ZP2: variants seen among roughly 807,000 people sequenced by gnomAD.
ZP2 encodes the protein zona pellucida glycoprotein 2.
A neutral mutation model predicts 84.0 loss-of-function variants in ZP2; 51 were observed. That is an observed-to-expected ratio of 0.61 (90% CI 0.49 to 0.77). The LOEUF is 0.77. ZP2 is among the 30% of genes least tolerant of loss of function. The probability of loss-of-function intolerance (pLI) is 0.00; values close to 1 mark genes in which losing one functional copy is unlikely to be tolerated. For missense variants in ZP2, 909 were observed against 911.9 expected (o/e 1.00, Z 0.04); for synonymous variants, 375 against 330.9 (o/e 1.13, Z -1.45).
In ZP2 at chr16:21,197,466, A is replaced by T; in HGVS notation, c.*14T>A. ...GCAAGAGGCTTATTTTGACTGCTTT[A>T]TTTAGAAGCCCATTTAGTGATTTGA... On this transcript the variant is annotated 3_prime_UTR_variant, in exon 19 of 19. Coordinates refer to ENST00000574091, the MANE Select transcript of ZP2 (RefSeq NM_001376232.1). The T allele has an allele frequency of 6.2e-7, 1 of 1,613,946 alleles. No individual in the cohort carries two copies. Among genetic ancestry groups the T allele is most frequent in the Non-Finnish European group, 8.5e-7 (1 of 1,179,894 alleles).
At chr16:21,203,772 C>G in intron 9 of ZP2, 1 of 536,282 alleles carries the variant, frequency 1.9e-6, no homozygotes, top group South Asian at 2.1e-5. Flanking sequence ...CAGTTGGGGC[C>G]TTAGACAGTT....
At chr16:21,210,260 G>A (rs1231330646) in intron 2 of ZP2, 68 bp from the exon 3 acceptor site, 1 of 1,252,266 alleles carries the variant, frequency 8.0e-7, no homozygotes, top group Admixed American at 1.7e-5. Flanking sequence ...AAAGTGTATA[G>A]ACTCCTCTCA....
At chr16:21,203,348 A>G in intron 9 of ZP2, 97 bp from the exon 10 acceptor site, 1 of 1,526,940 alleles carries the variant, frequency 6.5e-7, no homozygotes, top group South Asian at 1.2e-5. Flanking sequence ...CTTGCAGGAC[A>G]CACTCCAGAC....
chr16:21,205,570 C>A lies in ZP2; in HGVS notation c.543G>T (p.Gln181His). 6.2e-7 allele frequency: 1 copy of A among 1,614,112 alleles called. No homozygotes were observed. Among genetic ancestry groups the A allele is most frequent in the Non-Finnish European group, 8.5e-7 (1 of 1,180,000 alleles). Residue 181 changes from glutamine to histidine, a missense_variant, in exon 7 of 19, where the codon CAG becomes CAT. Coordinates refer to ENST00000574091, the MANE Select transcript of ZP2 (RefSeq NM_001376232.1). The part of the protein sequence containing the change: ...LADDSKGTKV[Q>H]MGWSIEVGDG... ...CACCAACCTCAATGCTCCATCCCAT[C>A]TGAACTTTGGTCCCCTGAAGTCAAA...
At chr16:21,199,919 T>TGA in intron 14 of ZP2, 41 bp from the exon 15 acceptor site, 1 of 1,607,982 alleles carries the variant, frequency 6.2e-7, no homozygotes, top group African/African-American at 1.3e-5. Context: ...GTCATATGCA[T>TGA]CTTGGAGTCA....
In ZP2 at chr16:21,201,474, A is replaced by G. The variant is rs1567212658; in HGVS notation, c.1589T>C (p.Val530Ala). The G allele has an allele frequency of 5.6e-6, 9 of 1,613,674 alleles. No homozygotes were observed. Among genetic ancestry groups the G allele is most frequent in the Non-Finnish European group, 6.8e-6 (8 of 1,179,900 alleles). Residue 530 changes from valine (V) to alanine (A), a missense_variant, in exon 14 of 19, where the codon GTC becomes GCC. Physicochemically the swap from Val to Ala is moderately conservative, Grantham distance 64 (BLOSUM62 0). Coordinates refer to ENST00000574091, the MANE Select transcript of ZP2 (RefSeq NM_001376232.1). ...LRQPIYMEVR[V>A]LNRDDPNIKL... ...GATGTTGGGGTCATCCCTGTTTAGG[A>G]CTCTCACTTCCATGTAAATTGGTTG...
intron 9 of ZP2, 121 bp from the exon 10 acceptor site, chr16:21,203,372 C>T (rs1468710675): frequency 7.6e-7 from 1 of 1,323,962 alleles, no homozygotes; most frequent in Admixed American, 2.0e-5. Flanking sequence ...TCTGGGCTCC[C>T]TTTAAACCAA....
chr16:21,199,719 C>T (rs2152854579), intron 15 of ZP2, 24 bp downstream of exon 15: 1 of 1,613,244 alleles, frequency 6.2e-7, no homozygotes, highest in Non-Finnish European at 8.5e-7. Context: ...TTAACCTGTC[C>T]CTGGTGACTT....
rs111294327 is a variant in ZP2 at position 21,208,746 on chromosome 16, A to C, written c.330+885T>G. ...TTTGCTAGCACCAAAATAGCCTTCC[A>C]TCTCATGTTGGGGTTCACAGATCAA... On this transcript the variant is annotated intron_variant, in intron 4 of 18. Coordinates refer to ENST00000574091, the MANE Select transcript of ZP2 (RefSeq NM_001376232.1). 3.3e-3 allele frequency among the ~76,000 whole-genome samples: 507 copies of C among 152,302 alleles called. 1 individual carries two copies. Among genetic ancestry groups the C allele is most frequent in the African/African-American group, 0.011 (467 of 41,552 alleles).
At position 21,201,537 on chromosome 16, in the gene ZP2, T is replaced by TA; in HGVS notation, c.1525dup (p.Tyr509LeufsTer27). 6.2e-7 allele frequency: 1 copy of TA among 1,609,736 alleles called. No individual in the cohort carries two copies. The highest frequency in any genetic ancestry group is 8.5e-7 in the Non-Finnish European group (1 of 1,177,792). On this transcript the variant is annotated frameshift_variant, in exon 14 of 19. Transcript: ENST00000574091. LOFTEE classifies it high-confidence loss of function. ...CACTAGAGGGTACTCGTTTTCCCCA[T>TA]AAGGTTGTTGGTAGGAATTATCTGA...
At chr16:21,205,896 G>A in intron 5 of ZP2, 121 bp from the exon 6 acceptor site, 1 of 914,788 alleles carries the variant, frequency 1.1e-6, no homozygotes. Context: ...AGTGGAAGAA[G>A]CACATGAACC....
intron 9 of ZP2, 102 bp from the exon 10 acceptor site, chr16:21,203,353 C>A: frequency 6.7e-7 from 1 of 1,494,106 alleles, no homozygotes; most frequent in South Asian, 1.2e-5. Context: ...AGGACACACT[C>A]CAGACTTATC....
chr16:21,199,510 C>A lies in ZP2; in HGVS notation c.1927+60G>T, dbSNP rs1597582581. 3 of 1,408,528 alleles carry A rather than the reference C, an allele frequency of 2.1e-6. No homozygotes were observed. The East Asian group carries it at 7.0e-5, about 33-fold the overall frequency. 87.3% of individuals were successfully genotyped at this position (1,408,528 alleles called of 1,614,324 possible). A position where few individuals can be genotyped will look rare whatever the true frequency, so the allele number is the denominator to read the frequency against. ...ATACCAGTCCTTAAGATCTTCTATT[C>A]TAAAAAGTTGATACTTGCTTTGAAT... On this transcript the variant is annotated intron_variant, in intron 16 of 18. Coordinates refer to ENST00000574091, the MANE Select transcript of ZP2 (RefSeq NM_001376232.1).
Position 21,204,128 on chromosome 16 carries a change from G to A in ZP2, c.874C>T (p.Gln292Ter), listed in dbSNP as rs1027033238. 1.9e-6 allele frequency: 3 copies of A among 1,614,150 alleles called. No individual in the cohort carries two copies. The Admixed American group carries it at 5.0e-5, about 27-fold the overall frequency. Reference sequence around the variant, plus strand: ...TGCAGCTGGCTCACATCAATGTTCTGGTTTTCAAAGCTCACAGACTTAAGC... The same window carrying A: ...TGCAGCTGGCTCACATCAATGTTCTAGTTTTCAAAGCTCACAGACTTAAGC... The part of the protein sequence containing the change: ...GKLKSVSFEN[Q>*]NIDVSQLHDN... Residue 292 changes from glutamine to a stop codon, truncating the protein, a stop_gained, in exon 9 of 19, where the codon CAG becomes TAG. Transcript: ENST00000574091. LOFTEE classifies it high-confidence loss of function.
chr16:21,206,126 T>A (rs1211888032), intron 5 of ZP2: 1 of 317,820 alleles, frequency 3.1e-6, no homozygotes, highest in Non-Finnish European at 6.0e-6. Context: ...GCCTCCCAAG[T>A]AGCTGGGATT....
In ZP2 at chr16:21,198,911, G is replaced by A. The variant is rs140698484; in HGVS notation, c.1928-49C>T. 191 of 1,497,976 alleles carry A rather than the reference G, an allele frequency of 1.3e-4. No homozygotes were observed. In the African/African-American group the frequency reaches 1.4e-3, roughly 11 times the overall value. 92.8% of individuals were successfully genotyped at this position (1,497,976 alleles called of 1,614,324 possible). A position where few individuals can be genotyped will look rare whatever the true frequency, so the allele number is the denominator to read the frequency against. ...TGTTTGGCCTCTGGAATAGTGGTTCGAGAGGTGTGTCAATGGAATGCTTAG... is the reference window on the plus strand; with the variant it reads ...TGTTTGGCCTCTGGAATAGTGGTTCAAGAGGTGTGTCAATGGAATGCTTAG... On this transcript the variant is annotated intron_variant, in intron 16 of 18. Transcript: ENST00000574091.
At chr16:21,200,007 T>G (rs1429978013) in intron 14 of ZP2, 129 bp from the exon 15 acceptor site, 4 of 1,181,104 alleles carry the variant, frequency 3.4e-6, no homozygotes, top group Non-Finnish European at 4.8e-6. Context: ...CCAGCACCTT[T>G]GTTTTACTCA....
chr16:21,208,725 C>G, intron 4 of ZP2, among the ~76,000 whole-genome samples: 1 of 152,160 alleles, frequency 6.6e-6, no homozygotes, highest in Non-Finnish European at 1.5e-5. Flanking sequence ...TTTCTATTTG[C>G]TAGCACCAAA....
chr16:21,205,535 C>G lies in ZP2; in HGVS notation c.578G>C (p.Arg193Thr), dbSNP rs755951389. The G allele has an allele frequency of 6.2e-7, 1 of 1,614,096 alleles. No homozygotes were observed. Among genetic ancestry groups the G allele is most frequent in the Non-Finnish European group, 8.5e-7 (1 of 1,180,006 alleles). Reference protein sequence around the residue: ...GWSIEVGDGARAKTLTLPEAM... With the variant: ...GWSIEVGDGATAKTLTLPEAM... ...CTCTGGCAGGGTCAGAGTTTTGGCT[C>G]TTGCACCATCACCAACCTCAATGCT... Residue 193 changes from arginine to threonine, a missense_variant, in exon 7 of 19, where the codon AGA (arginine) becomes ACA (threonine). By Grantham distance (71) the Arg-to-Thr change is moderately conservative (BLOSUM62 -1). Coordinates refer to ENST00000574091, the MANE Select transcript of ZP2 (RefSeq NM_001376232.1).
Sources: gnomAD v4.1 joint callset for allele counts (sites outside exome capture counted in the v4.1 genomes callset) on GRCh38, gnomAD v4.1.1 for gene constraint, MANE v1.5 for transcripts, NCBI Gene and HGNC (gene_info 2026-07-23, HGNC 2026-07-21) for gene names.